The following FRAS1 variants were observed in gnomAD, a reference collection of about 807,000 sequenced individuals.
FRAS1 encodes the protein extracellular matrix organizing protein FRAS1.
Under a neutral mutation model 435.2 loss-of-function variants are expected in FRAS1, and 290 were observed. The ratio of observed to expected loss-of-function variants is 0.67; its 90% CI spans 0.61 to 0.73. FRAS1 has a LOEUF of 0.73. Ranked by LOEUF, FRAS1 falls within the 30% of genes least tolerant of loss-of-function variation. The probability of loss-of-function intolerance (pLI) is 0.00; values close to 1 mark genes in which losing one functional copy is unlikely to be tolerated. For missense variants in FRAS1, 4,860 were observed against 5,001.5 expected, an observed-to-expected ratio of 0.97 and a Z score of 0.85; for synonymous variants, 1,800 against 1,851.0, an observed-to-expected ratio of 0.97 and a Z score of 0.71.
rs371031812 is a variant in FRAS1 at position 78,323,837 on chromosome 4, AT to A, written c.2137+4861del. On this transcript the variant is annotated intron_variant, in intron 18 of 73. Transcript: ENST00000512123. The stretch of plus-strand genomic sequence containing the variant: ...ATTCTTCTTCTACTATGGTTGAAGG[AT>A]TTTTTTTTTCTTCTAAAAGGTTTAA... 8.6e-3 allele frequency among the ~76,000 whole-genome samples: 1,295 copies of A among 150,838 alleles called. 22 individuals are homozygous for A. The highest frequency in any genetic ancestry group is 0.029 in the African/African-American group (1,185 of 41,076).
intron 2 of FRAS1, among the ~76,000 whole-genome samples, chr4:78,190,243 T>C (rs574212722): frequency 3.9e-5 from 6 of 152,318 alleles, no homozygotes; most frequent in South Asian, 4.1e-4. Flanking sequence ...TTTCCTCACA[T>C]GTCAGTCAAA....
At chr4:78,362,200 A>G (rs1731096023) in intron 20 of FRAS1, among the ~76,000 whole-genome samples, 1 of 152,226 alleles carries the variant, frequency 6.6e-6, no homozygotes, top group African/African-American at 2.4e-5. Flanking sequence ...CTTTATCTCC[A>G]GTTAAAGACC....
At position 78,371,083 on chromosome 4, in the gene FRAS1, G is replaced by GGTTTTT. The variant is rs1456015210; in HGVS notation, c.2869+1099_2869+1100insGTTTTT. 2.5e-3 allele frequency among the ~76,000 whole-genome samples: 322 copies of GGTTTTT among 127,364 alleles called. 7 individuals carry two copies. The highest frequency in any genetic ancestry group is 5.6e-3 in the African/African-American group (175 of 31,468). 83.6% of individuals were successfully genotyped at this position (127,364 alleles called of 152,430 possible). ...CTCGAGACCACAGAATTTTTTTTCT[G>GGTTTTT]TTTTTTTGTTTTTTTTTTTTTTTGC... On this transcript the variant is annotated intron_variant, in intron 23 of 73. Coordinates refer to ENST00000512123, the MANE Select transcript of FRAS1 (RefSeq NM_025074.7).
intron 20 of FRAS1, among the ~76,000 whole-genome samples, chr4:78,360,743 T>C (rs1731044609): frequency 6.6e-6 from 1 of 152,114 alleles, no homozygotes; most frequent in African/African-American, 2.4e-5. Context: ...GGAATGTCCA[T>C]AACCTGGCTC....
chr4:78,153,978 T>G (rs1290034407), intron 2 of FRAS1, among the ~76,000 whole-genome samples: 2 of 152,172 alleles, frequency 1.3e-5, no homozygotes, highest in Non-Finnish European at 1.5e-5. Flanking sequence ...TTCAGAGTCT[T>G]TTGTTCAGCA....
rs985504905 is a variant in FRAS1 at position 78,209,972 on chromosome 4, G to A, written c.109-27538G>A. 1.2e-4 allele frequency among the ~76,000 whole-genome samples: 19 copies of A among 152,090 alleles called. 1 individual carries two copies. The highest frequency in any genetic ancestry group is 4.6e-4 in the African/African-American group (19 of 41,394). On this transcript the variant is annotated intron_variant, in intron 2 of 73. Transcript: ENST00000512123. Reference sequence around the variant, plus strand: ...GTTCTCAGGCTGTGTCCTGTCTGGGGTTCAAATAGCAGAGTTGCCTAAGCT... The same window carrying A: ...GTTCTCAGGCTGTGTCCTGTCTGGGATTCAAATAGCAGAGTTGCCTAAGCT...
intron 53 of FRAS1, among the ~76,000 whole-genome samples, chr4:78,474,337 G>A (rs1251908731): frequency 1.3e-5 from 2 of 152,006 alleles, no homozygotes; most frequent in Admixed American, 1.3e-4. Context: ...TTTATGTGGG[G>A]GAAATATTCT....
At chr4:78,528,885 C>A (rs1346639054) in intron 70 of FRAS1, among the ~76,000 whole-genome samples, 1 of 152,116 alleles carries the variant, frequency 6.6e-6, no homozygotes, top group African/African-American at 2.4e-5. Flanking sequence ...CCATTCCCAC[C>A]ATGAGAGTGC....
chr4:78,167,827 A>G (rs1721396513), intron 2 of FRAS1, among the ~76,000 whole-genome samples: 1 of 152,070 alleles, frequency 6.6e-6, no homozygotes, highest in Non-Finnish European at 1.5e-5. Context: ...CATGGTTGGT[A>G]TAGGAATATC....
chr4:78,337,017 G>T (rs1241762148), intron 19 of FRAS1, among the ~76,000 whole-genome samples: 2 of 151,784 alleles, frequency 1.3e-5, no homozygotes, highest in Non-Finnish European at 2.9e-5. Context: ...TAATTTGGTG[G>T]TTTTTTTGGA....
intron 7 of FRAS1, among the ~76,000 whole-genome samples, chr4:78,265,636 C>T (rs1485272572): frequency 1.3e-5 from 2 of 151,982 alleles, no homozygotes; most frequent in Non-Finnish European, 2.9e-5. Context: ...ATGTAGTAAG[C>T]ATCAAATAAA....
At chr4:78,409,685 G>GT (rs1253140826) in intron 31 of FRAS1, among the ~76,000 whole-genome samples, 1 of 152,186 alleles carries the variant, frequency 6.6e-6, no homozygotes, top group Non-Finnish European at 1.5e-5. Flanking sequence ...AAGAAAGGGT[G>GT]TTTAAGCACA....
intron 28 of FRAS1, among the ~76,000 whole-genome samples, chr4:78,386,804 C>T (rs1018732707): frequency 6.6e-6 from 1 of 152,028 alleles, no homozygotes; most frequent in Non-Finnish European, 1.5e-5. Context: ...AATATATTAG[C>T]CTTGTCACAT....
chr4:78,469,838 G>A, intron 50 of FRAS1, 140 bp from the exon 51 acceptor site: 1 of 685,980 alleles, frequency 1.5e-6, no homozygotes, highest in Non-Finnish European at 2.7e-6. Flanking sequence ...GGATGATAAG[G>A]GATGGGAACG....
intron 27 of FRAS1, among the ~76,000 whole-genome samples, chr4:78,383,573 G>A (rs973607782): frequency 2.0e-5 from 3 of 152,232 alleles, no homozygotes; most frequent in Middle Eastern, 3.4e-3. Context: ...AGTGAGGGGA[G>A]ATGAACAGCC....
Position 78,522,818 on chromosome 4 carries a change from G to C in FRAS1, c.10808+10G>C, listed in dbSNP as rs376073429. On this transcript the variant is annotated intron_variant, in intron 69 of 73. Coordinates refer to ENST00000512123, the MANE Select transcript of FRAS1 (RefSeq NM_025074.7). ...CAAGCTCTTATAACAGGTAAATACA[G>C]TGATGGAGGCCTCCATGGGTAGAGC... 2 of 1,589,744 alleles carry C rather than the reference G, an allele frequency of 1.3e-6. No homozygotes were observed. The highest frequency in any genetic ancestry group is 2.3e-5 in the South Asian group (2 of 86,094).
At chr4:78,177,378 A>G (rs1721820391) in intron 2 of FRAS1, among the ~76,000 whole-genome samples, 1 of 152,216 alleles carries the variant, frequency 6.6e-6, no homozygotes, top group African/African-American at 2.4e-5. Flanking sequence ...TGTTTATGGA[A>G]GGAGGAAATA....
At chr4:78,455,120 G>C (rs1173763702) in intron 47 of FRAS1, among the ~76,000 whole-genome samples, 1 of 152,092 alleles carries the variant, frequency 6.6e-6, no homozygotes, top group Non-Finnish European at 1.5e-5. Context: ...TTGCTCTGAG[G>C]GGCCCCTCCC....
At chr4:78,447,058 T>A (rs1718859507) in intron 43 of FRAS1, among the ~76,000 whole-genome samples, 178 bp downstream of exon 43, 1 of 151,498 alleles carries the variant, frequency 6.6e-6, no homozygotes, top group Non-Finnish European at 1.5e-5. Flanking sequence ...AGACATCAGT[T>A]GTTTAAGAAG....
Sources: allele counts gnomAD v4.1 joint callset (sites outside exome capture counted in the v4.1 genomes callset), GRCh38; gene constraint gnomAD v4.1.1; transcripts MANE v1.5; gene names NCBI Gene and HGNC (gene_info 2026-07-23, HGNC 2026-07-21).